Variants in DTL observed in about 807,000 individuals in gnomAD.
The protein encoded by DTL is denticleless protein homolog.
A neutral mutation model predicts 87.0 loss-of-function variants in DTL; 46 were observed. That is an observed-to-expected ratio of 0.53 (90% CI 0.42 to 0.68). DTL has a LOEUF of 0.68. Ranked by LOEUF, DTL falls within the 30% of genes least tolerant of loss-of-function variation. The pLI is 0.00. For missense variants in DTL, 737 were observed against 869.4 expected (o/e 0.85, Z 1.91); for synonymous variants, 308 against 311.2 (o/e 0.99, Z 0.11).
chr1:212,036,344 T>C (rs956521710), intron 1 of DTL, among the ~76,000 whole-genome samples: 4 of 152,196 alleles, frequency 2.6e-5, no homozygotes, highest in Non-Finnish European at 4.4e-5. Flanking sequence ...AGCCCAGCTA[T>C]GTGCTATAGG....
At chr1:212,055,950 C>A (rs1424262900) in intron 5 of DTL, among the ~76,000 whole-genome samples, 2 of 152,238 alleles carry the variant, frequency 1.3e-5, no homozygotes. Flanking sequence ...TCTGCTGCTA[C>A]CACCATAGCT....
intron 13 of DTL, among the ~76,000 whole-genome samples, chr1:212,086,627 A>G (rs1374679839): frequency 3.3e-5 from 5 of 152,172 alleles, no homozygotes; most frequent in Middle Eastern, 3.2e-3. Flanking sequence ...AGCTCAAGCA[A>G]TCCACCCACC....
At chr1:212,081,456 T>C (rs953683794) in intron 13 of DTL, among the ~76,000 whole-genome samples, 9 of 152,258 alleles carry the variant, frequency 5.9e-5, no homozygotes, top group African/African-American at 2.2e-4. Context: ...TTTATTTTGA[T>C]AGACAAAAGT....
chr1:212,042,969 C>G (rs775746472), intron 1 of DTL, 24 bp from the exon 2 acceptor site: 1 of 1,571,862 alleles, frequency 6.4e-7, no homozygotes, highest in Admixed American at 1.9e-5. Flanking sequence ...TATTGGAATT[C>G]TATAAGGAAT....
intron 13 of DTL, among the ~76,000 whole-genome samples, chr1:212,091,734 T>TTCTG (rs1223277691): frequency 2.6e-5 from 4 of 152,160 alleles, no homozygotes; most frequent in African/African-American, 9.7e-5. Flanking sequence ...TCTTAAAAAG[T>TTCTG]TGAACTCATA....
intron 3 of DTL, among the ~76,000 whole-genome samples, chr1:212,045,964 A>T (rs1667797444): frequency 6.6e-6 from 1 of 151,536 alleles, no homozygotes; most frequent in Non-Finnish European, 1.5e-5. Context: ...TTTTTGGTAG[A>T]GATGGGGTTT....
chr1:212,088,799 GA>G (rs1406381134), intron 13 of DTL, among the ~76,000 whole-genome samples: 1 of 152,188 alleles, frequency 6.6e-6, no homozygotes, highest in East Asian at 1.9e-4. Flanking sequence ...CATATAGAAA[GA>G]AGCTGGCTGG....
chr1:212,096,564 G>T (rs1655457843), intron 13 of DTL, among the ~76,000 whole-genome samples: 1 of 152,212 alleles, frequency 6.6e-6, no homozygotes, highest in East Asian at 1.9e-4. Flanking sequence ...GGTTTTGTTA[G>T]GTTGTGTCAC....
rs780395579 is a variant in DTL, at chr1:212,068,566, C to T, written c.818-33C>T. ...TAACCTCAGATCTACTCACCATCAT[C>T]AGGACGTGCTAACTTAAGTTTCCTT... On this transcript the variant is annotated intron_variant, in intron 9 of 14. Transcript: ENST00000366991. 2.2e-6 allele frequency: 3 copies of T among 1,347,800 alleles called. No homozygotes were observed. The South Asian group carries it at 3.5e-5, about 16-fold the overall frequency. 83.5% of individuals were successfully genotyped at this position (1,347,800 alleles called of 1,614,324 possible).
chr1:212,055,535 G>A (rs1217804583), intron 5 of DTL, among the ~76,000 whole-genome samples: 1 of 152,188 alleles, frequency 6.6e-6, no homozygotes, highest in East Asian at 1.9e-4. Flanking sequence ...TGGAGGGGCA[G>A]CTGCACATTT....
intron 1 of DTL, among the ~76,000 whole-genome samples, chr1:212,036,236 C>G (rs888661129): frequency 1.3e-5 from 2 of 152,132 alleles, no homozygotes; most frequent in Non-Finnish European, 2.9e-5. Context: ...CGGGAAAATG[C>G]ATGCATTTGT....
At chr1:212,097,954 GCTTT>G (rs940044594) in intron 13 of DTL, among the ~76,000 whole-genome samples, 5 of 152,298 alleles carry the variant, frequency 3.3e-5, no homozygotes, top group Non-Finnish European at 4.4e-5. Context: ...TAGGGGTGGG[GCTTT>G]CTGAGAGCTG....
At chr1:212,102,020 A>G (rs754616058) in intron 14 of DTL, among the ~76,000 whole-genome samples, 19 of 152,238 alleles carry the variant, frequency 1.2e-4, no homozygotes, top group Non-Finnish European at 2.5e-4. Flanking sequence ...AATCATGATC[A>G]GCATCATCTG....
At chr1:212,047,051 C>A in intron 3 of DTL, 100 bp from the exon 4 acceptor site, 1 of 1,045,960 alleles carries the variant, frequency 9.6e-7, no homozygotes, top group Non-Finnish European at 1.5e-6. Context: ...AACTACTGAT[C>A]TTTTTACTAC....
intron 1 of DTL, among the ~76,000 whole-genome samples, chr1:212,036,461 G>T (rs1667466135): frequency 6.6e-6 from 1 of 152,010 alleles, no homozygotes; most frequent in African/African-American, 2.4e-5. Context: ...TTTACTACAC[G>T]GTCATAAAAA....
intron 6 of DTL, among the ~76,000 whole-genome samples, chr1:212,064,681 C>T (rs1363132164): frequency 6.6e-6 from 1 of 152,174 alleles, no homozygotes; most frequent in Non-Finnish European, 1.5e-5. Context: ...ATCCATTCAC[C>T]TACTGAAGGA....
intron 1 of DTL, among the ~76,000 whole-genome samples, chr1:212,037,582 C>A (rs1396140502): frequency 6.6e-6 from 1 of 152,208 alleles, no homozygotes; most frequent in Admixed American, 6.5e-5. Flanking sequence ...AGAATTGTTT[C>A]AGTGGCATAT....
intron 12 of DTL, among the ~76,000 whole-genome samples, chr1:212,080,056 C>A (rs1375990017): frequency 6.6e-6 from 1 of 152,132 alleles, no homozygotes; most frequent in Non-Finnish European, 1.5e-5. Context: ...CTTCTTTCAG[C>A]CTAGGGAACT....
intron 1 of DTL, among the ~76,000 whole-genome samples, chr1:212,040,052 C>A (rs989849804): frequency 1.3e-5 from 2 of 152,216 alleles, no homozygotes; most frequent in African/African-American, 2.4e-5. Flanking sequence ...TTTAAACTTA[C>A]AAACATCTTA....
Sources: gnomAD v4.1 joint callset for allele counts (sites outside exome capture counted in the v4.1 genomes callset) on GRCh38, gnomAD v4.1.1 for gene constraint, MANE v1.5 for transcripts, NCBI Gene and HGNC (gene_info 2026-07-23, HGNC 2026-07-21) for gene names.